SIK3: variants seen among roughly 807,000 people sequenced by gnomAD.
SIK3 encodes SIK family kinase 3.
Under a neutral mutation model 144.2 loss-of-function variants are expected in SIK3, and 28 were observed. The ratio of observed to expected loss-of-function variants is 0.19; its 90% confidence interval spans 0.14 to 0.27. The LOEUF (loss-of-function observed/expected upper bound fraction) is 0.27. SIK3 is among the 10% of genes least tolerant of loss of function. SIK3 has a pLI of 1.00. For missense variants in SIK3, 1,319 were observed against 1,776.0 expected (o/e 0.74, Z 4.62); for synonymous variants, 686 against 676.3 (o/e 1.01, Z -0.22).
At chr11:117,079,792 T>C (rs1054956230) in intron 1 of SIK3, among the ~76,000 whole-genome samples, 5 of 152,008 alleles carry the variant, frequency 3.3e-5, no homozygotes, top group African/African-American at 1.2e-4. Flanking sequence ...TTTCATTTTA[T>C]ATTAGACACA....
intron 1 of SIK3, among the ~76,000 whole-genome samples, chr11:117,024,775 C>A (rs746979780): frequency 5.9e-5 from 9 of 152,046 alleles, no homozygotes; most frequent in Non-Finnish European, 1.3e-4. Context: ...GTGGCATGTG[C>A]CTGTAGTCCC....
intron 3 of SIK3, among the ~76,000 whole-genome samples, chr11:116,947,229 T>TATTTATATATATTATATTATA (rs1948687196): frequency 1.2e-5 from 1 of 81,620 alleles, no homozygotes. Flanking sequence ...ATATAATTAT[T>TATTTATATATATTATATTATA]TATATATTTT....
At chr11:117,057,706 G>A (rs145724204) in intron 1 of SIK3, among the ~76,000 whole-genome samples, 217 of 152,280 alleles carry the variant, frequency 1.4e-3, no homozygotes, top group South Asian at 0.01. Context: ...GGGTCTGCCC[G>A]GGTTCAAATT....
intron 1 of SIK3, among the ~76,000 whole-genome samples, chr11:117,025,423 G>A (rs1951966575): frequency 6.6e-6 from 1 of 152,056 alleles, no homozygotes; most frequent in Non-Finnish European, 1.5e-5. Flanking sequence ...ATCACAAAAT[G>A]TGAATAATCA....
intron 1 of SIK3, among the ~76,000 whole-genome samples, chr11:117,081,158 A>G (rs995538965): frequency 6.6e-6 from 1 of 152,010 alleles, no homozygotes; most frequent in South Asian, 2.1e-4. Context: ...TTTTTAATTA[A>G]AAAAAATTTT....
intron 1 of SIK3, among the ~76,000 whole-genome samples, chr11:117,075,784 C>A (rs1172633270): frequency 2.0e-5 from 3 of 147,526 alleles, no homozygotes; most frequent in Non-Finnish European, 4.5e-5. Flanking sequence ...ACCTTATGAT[C>A]TGCCCACATT....
chr11:117,036,980 T>G (rs1287538653), intron 1 of SIK3, among the ~76,000 whole-genome samples: 1 of 152,230 alleles, frequency 6.6e-6, no homozygotes, highest in Non-Finnish European at 1.5e-5. Flanking sequence ...CTTAACATTT[T>G]GCTTGTTTGC....
At chr11:116,895,592 C>G (rs1945355332) in intron 6 of SIK3, among the ~76,000 whole-genome samples, 1 of 150,054 alleles carries the variant, frequency 6.7e-6, no homozygotes, top group Admixed American at 6.6e-5. Context: ...TGACTTTTTG[C>G]GTTCTCTAAA....
intron 6 of SIK3, among the ~76,000 whole-genome samples, chr11:116,890,463 GTGGTTCTGATT>G (rs1565414642): frequency 6.6e-6 from 1 of 152,184 alleles, no homozygotes; most frequent in African/African-American, 2.4e-5. Flanking sequence ...TGGGGATGGG[GTGGTTCTGATT>G]CAGATTTCAT....
At chr11:117,056,535 A>G (rs911630727) in intron 1 of SIK3, among the ~76,000 whole-genome samples, 1 of 136,682 alleles carries the variant, frequency 7.3e-6, no homozygotes, top group East Asian at 2.1e-4. Flanking sequence ...AAAAATATAT[A>G]GATAGATATA....
At chr11:116,880,327 G>C (rs960811193) in intron 6 of SIK3, among the ~76,000 whole-genome samples, 1 of 150,292 alleles carries the variant, frequency 6.7e-6, no homozygotes, top group Admixed American at 6.6e-5. Context: ...ATCTGCACAA[G>C]AATTTATACA....
At chr11:116,939,326 T>C (rs988208678) in intron 3 of SIK3, among the ~76,000 whole-genome samples, 1 of 152,180 alleles carries the variant, frequency 6.6e-6, no homozygotes, top group African/African-American at 2.4e-5. Flanking sequence ...TTTTGTATTT[T>C]CAATAAAGAC....
At chr11:116,992,889 G>A (rs1352944726) in intron 1 of SIK3, among the ~76,000 whole-genome samples, 3 of 152,142 alleles carry the variant, frequency 2.0e-5, no homozygotes, top group Admixed American at 1.3e-4. Context: ...GGAGGCTGAG[G>A]TGGGAGGGTC....
At position 116,846,238 on chromosome 11, in the gene SIK3, G is replaced by T; in HGVS notation, c.*13+145C>A. 5.1e-6 allele frequency: 4 copies of T among 787,218 alleles called. No individual in the cohort carries two copies. Among genetic ancestry groups the T allele is most frequent in the Non-Finnish European group, 8.1e-6 (4 of 493,722 alleles). 48.8% of individuals were successfully genotyped at this position (787,218 alleles called of 1,614,324 possible). ...AAACTAGCAGCGTCGTTAATGAAAAGCAAGAAACTGTGAAGGCCACGAGGG... is the reference window on the plus strand; with the variant it reads ...AAACTAGCAGCGTCGTTAATGAAAATCAAGAAACTGTGAAGGCCACGAGGG... On this transcript the variant is annotated intron_variant, in intron 24 of 24. Coordinates refer to ENST00000445177, the MANE Select transcript of SIK3 (RefSeq NM_001366686.3). This position sits in a 1 kb window ranked among gnomAD's most constrained non-coding sequence, Gnocchi z 4.1.
intron 1 of SIK3, among the ~76,000 whole-genome samples, chr11:117,030,267 T>A (rs963707760): frequency 6.6e-6 from 1 of 152,186 alleles, no homozygotes; most frequent in African/African-American, 2.4e-5. Context: ...GAATGTATTG[T>A]AAGGAAGGAA....
At chr11:117,080,879 C>T (rs990471619) in intron 1 of SIK3, among the ~76,000 whole-genome samples, 1 of 152,010 alleles carries the variant, frequency 6.6e-6, no homozygotes, top group African/African-American at 2.4e-5. Context: ...ATCTGGGAGG[C>T]AGAAGTTGCA....
At chr11:116,855,909 T>C (rs1942873215) in intron 21 of SIK3, among the ~76,000 whole-genome samples, 1 of 152,214 alleles carries the variant, frequency 6.6e-6, no homozygotes, top group Non-Finnish European at 1.5e-5. Flanking sequence ...CTGGCACATG[T>C]GAGCTCAGCC....
At chr11:116,917,392 T>G (rs1946701909) in intron 4 of SIK3, among the ~76,000 whole-genome samples, 1 of 152,132 alleles carries the variant, frequency 6.6e-6, no homozygotes, top group African/African-American at 2.4e-5. Context: ...ATCAATGTTC[T>G]TCTAAAACTT....
intron 1 of SIK3, among the ~76,000 whole-genome samples, chr11:116,967,017 AAAAG>A (rs1555113669): frequency 2.7e-5 from 4 of 147,392 alleles, no homozygotes; most frequent in East Asian, 2.0e-4. Context: ...AAAAAAAAGA[AAAAG>A]AAAAAGAAAA....
Sources: gnomAD v4.1 joint callset for allele counts (sites outside exome capture counted in the v4.1 genomes callset) on GRCh38, gnomAD v4.1.1 for gene constraint, Gnocchi (gnomAD v3.1) non-coding constraint, MANE v1.5 for transcripts, NCBI Gene and HGNC (gene_info 2026-07-23, HGNC 2026-07-21) for gene names.